OLA1: variants seen among roughly 807,000 people sequenced by gnomAD.
OLA1 encodes obg-like ATPase 1.
In OLA1, 14 loss-of-function variants were observed where a neutral mutation model predicts 48.4. The observed-to-expected ratio is 0.29, with a 90% CI of 0.19 to 0.45. OLA1 has a LOEUF of 0.45. Ranked by LOEUF, OLA1 falls within the 20% of genes least tolerant of loss-of-function variation. The pLI, the probability that OLA1 is intolerant of heterozygous loss-of-function variation, is 1.00. For synonymous variants in OLA1, 127 were observed against 150.4 expected, an observed-to-expected ratio of 0.84 and a Z score of 1.14; for missense variants, 325 against 467.1, an observed-to-expected ratio of 0.70 and a Z score of 2.80.
intron 5 of OLA1, among the ~76,000 whole-genome samples, chr2:174,130,369 A>AC (rs1290508838): frequency 1.3e-5 from 2 of 152,222 alleles, no homozygotes; most frequent in Admixed American, 6.5e-5. Flanking sequence ...GGTGAGGGGA[A>AC]CCCCCCAAGA....
At chr2:174,076,379 C>T (rs1236345974) in intron 10 of OLA1, among the ~76,000 whole-genome samples, 3 of 152,152 alleles carry the variant, frequency 2.0e-5, no homozygotes, top group Non-Finnish European at 2.9e-5. Flanking sequence ...CACATGACCC[C>T]ACCATCGACT....
At chr2:174,201,515 AT>A (rs1185849255) in intron 4 of OLA1, among the ~76,000 whole-genome samples, 1 of 151,868 alleles carries the variant, frequency 6.6e-6, no homozygotes, top group Non-Finnish European at 1.5e-5. Context: ...TGCCCGGCTG[AT>A]TTTTTTTATT....
rs888231468 is a variant in OLA1 at position 174,113,464 on chromosome 2, C to T, written c.728+9716G>A. Among the ~76,000 whole-genome samples the T allele has an allele frequency of 4.0e-5, 6 of 151,814 alleles. No individual in the cohort carries two copies. The East Asian group carries it at 7.7e-4, about 20-fold the overall frequency. ...ACCAAAATTTTTATACATGATATTG[C>T]GTAAAAATGCAAGCTAAGGTGGGTC... On this transcript the variant is annotated intron_variant, in intron 7 of 10. Coordinates refer to ENST00000284719, the MANE Select transcript of OLA1 (RefSeq NM_013341.5).
chr2:174,117,048 T>A (rs994733109), intron 7 of OLA1, among the ~76,000 whole-genome samples: 10 of 152,124 alleles, frequency 6.6e-5, no homozygotes, highest in Non-Finnish European at 1.5e-5. Context: ...GGTGAAGTTA[T>A]AGGGCCCAAC....
chr2:174,246,327 A>G (rs1001485188), intron 2 of OLA1, among the ~76,000 whole-genome samples: 2 of 152,042 alleles, frequency 1.3e-5, no homozygotes, highest in Non-Finnish European at 2.9e-5. Flanking sequence ...AGAAAAGAAA[A>G]TATTACAAAA....
chr2:174,162,525 T>C (rs1307889648), intron 4 of OLA1, among the ~76,000 whole-genome samples: 1 of 152,196 alleles, frequency 6.6e-6, no homozygotes, highest in Non-Finnish European at 1.5e-5. Context: ...TTATAGTTAG[T>C]ATAGTACAAA....
chr2:174,102,527 C>A (rs902771596), intron 7 of OLA1, among the ~76,000 whole-genome samples: 15 of 151,752 alleles, frequency 9.9e-5, no homozygotes, highest in African/African-American at 3.1e-4. Context: ...GAGAAAAGCA[C>A]ATAGAATGAA....
At chr2:174,125,888 T>C (rs1686033960) in intron 5 of OLA1, among the ~76,000 whole-genome samples, 1 of 152,186 alleles carries the variant, frequency 6.6e-6, no homozygotes, top group Non-Finnish European at 1.5e-5. Context: ...TTTAGAGAAA[T>C]TTATATATTA....
At chr2:174,234,489 G>A (rs930203108) in intron 2 of OLA1, among the ~76,000 whole-genome samples, 5 of 151,940 alleles carry the variant, frequency 3.3e-5, no homozygotes, top group African/African-American at 1.2e-4. Context: ...TTGGAGATAG[G>A]GTCTCACTTT....
In OLA1 at chr2:174,110,091, A is replaced by ATTTTTTT. The variant is rs199583094; in HGVS notation, c.728+13082_728+13088dup. ...CTATCCCTGTGTTAGTTTGCTAAGG[A>ATTTTTTT]TTTTTTTTTTTTTTTTTTTTTTGAG... On this transcript the variant is annotated intron_variant, in intron 7 of 10. Coordinates refer to ENST00000284719, the MANE Select transcript of OLA1 (RefSeq NM_013341.5). Among the ~76,000 whole-genome samples, 87 of 110,976 alleles carry ATTTTTTT rather than the reference A, an allele frequency of 7.8e-4. 3 individuals are homozygous for ATTTTTTT. The East Asian group carries it at 8.7e-3, about 11-fold the overall frequency. 72.8% of individuals were successfully genotyped at this position (110,976 alleles called of 152,430 possible). A position where few individuals can be genotyped will look rare whatever the true frequency, so the allele number is the denominator to read the frequency against.
chr2:174,206,061 A>C (rs1688107184), intron 4 of OLA1, among the ~76,000 whole-genome samples: 1 of 152,204 alleles, frequency 6.6e-6, no homozygotes, highest in African/African-American at 2.4e-5. Context: ...GTAAAATTTG[A>C]AAAAGGACAG....
chr2:174,089,553 T>C (rs1685058567), intron 7 of OLA1, among the ~76,000 whole-genome samples: 1 of 152,178 alleles, frequency 6.6e-6, no homozygotes, highest in South Asian at 2.1e-4. Flanking sequence ...TCCTCTGCAA[T>C]GTCAAAGAAG....
intron 3 of OLA1, among the ~76,000 whole-genome samples, chr2:174,223,654 G>A (rs576432222): frequency 6.6e-6 from 1 of 150,408 alleles, no homozygotes; most frequent in South Asian, 2.1e-4. Context: ...TTATGCCTTA[G>A]AGGAGTTACG....
At chr2:174,086,883 G>C (rs1000900728) in intron 7 of OLA1, among the ~76,000 whole-genome samples, 26 of 152,148 alleles carry the variant, frequency 1.7e-4, no homozygotes, top group African/African-American at 6.3e-4. Context: ...CTGCAGATAA[G>C]GGGGAGCTGC....
intron 4 of OLA1, among the ~76,000 whole-genome samples, chr2:174,177,878 C>G (rs915870176): frequency 1.3e-5 from 2 of 151,536 alleles, no homozygotes; most frequent in Non-Finnish European, 2.9e-5. Context: ...TCAGATACAA[C>G]CTAAAATGAT....
intron 5 of OLA1, among the ~76,000 whole-genome samples, chr2:174,130,475 A>G (rs923827798): frequency 6.6e-6 from 1 of 152,222 alleles, no homozygotes; most frequent in African/African-American, 2.4e-5. Flanking sequence ...GTAGATAGTA[A>G]GACCACCCCC....
chr2:174,204,916 G>A (rs1249716752), intron 4 of OLA1, among the ~76,000 whole-genome samples: 1 of 151,962 alleles, frequency 6.6e-6, no homozygotes. Context: ...AGGTTCCTAG[G>A]AGAATCAAAT....
At chr2:174,156,743 C>T (rs1258034319) in intron 4 of OLA1, among the ~76,000 whole-genome samples, 1 of 151,862 alleles carries the variant, frequency 6.6e-6, no homozygotes, top group Non-Finnish European at 1.5e-5. Context: ...CACCACCACA[C>T]CCAGCTGATT....
intron 4 of OLA1, among the ~76,000 whole-genome samples, chr2:174,221,267 C>A (rs926502181): frequency 2.5e-5 from 1 of 40,236 alleles, no homozygotes; most frequent in African/African-American, 7.6e-5. Flanking sequence ...AAATTCATTT[C>A]CCCCCCCACA....
Sources: gnomAD v4.1 joint callset for allele counts (sites outside exome capture counted in the v4.1 genomes callset) on GRCh38, gnomAD v4.1.1 for gene constraint, MANE v1.5 for transcripts, NCBI Gene and HGNC (gene_info 2026-07-23, HGNC 2026-07-21) for gene names.